SCN9A: variants seen among roughly 807,000 people sequenced by gnomAD.
SCN9A encodes the protein sodium channel protein type 9 subunit alpha.
A neutral mutation model predicts 187.0 loss-of-function variants in SCN9A; 131 were observed. The observed-to-expected ratio is 0.70, with a 90% CI of 0.61 to 0.81. The LOEUF is 0.81. SCN9A is among the 30% of genes least tolerant of loss of function. The probability of loss-of-function intolerance (pLI) is 0.00; values close to 1 mark genes in which losing one functional copy is unlikely to be tolerated. For synonymous variants in SCN9A, 809 were observed against 808.6 expected, an observed-to-expected ratio of 1.00 and a Z score of -0.01; for missense variants, 2,252 against 2,396.6, an observed-to-expected ratio of 0.94 and a Z score of 1.26.
intron 1 of SCN9A, among the ~76,000 whole-genome samples, chr2:166,358,231 G>A (rs193224590): frequency 1.3e-4 from 19 of 151,606 alleles, no homozygotes; most frequent in Non-Finnish European, 2.7e-4. Context: ...CACCACACCC[G>A]GCTAATTTTT....
intron 16 of SCN9A, among the ~76,000 whole-genome samples, chr2:166,273,228 A>G (rs1279526678): frequency 6.6e-6 from 1 of 152,122 alleles, no homozygotes; most frequent in East Asian, 1.9e-4. Context: ...TTATGAACCC[A>G]AAAAACTCTC....
chr2:166,278,207 G>A lies in SCN9A; in HGVS notation c.2450C>T (p.Thr817Ile). The A allele has an allele frequency of 6.2e-7, 1 of 1,613,048 alleles. No homozygotes were observed. Among genetic ancestry groups the A allele is most frequent in the Non-Finnish European group, 8.5e-7 (1 of 1,179,548 alleles). The change falls in exon 15 of 27, where the codon ACT (threonine) becomes ATT (isoleucine). Residue 817 changes from threonine (T) to isoleucine (I), a missense_variant. Coordinates refer to ENST00000642356, the MANE Select transcript of SCN9A (RefSeq NM_001365536.1). ...TAGAAAGAGCTCCACTAAACTTAAA[G>A]TCACAATAAGGCTGTCAAAAATATT... is the stretch of plus-strand genomic sequence containing the variant. ...GWNIFDSLIV[T>I]LSLVELFLAD...
At chr2:166,279,153 C>G (rs1697368133) in intron 14 of SCN9A, among the ~76,000 whole-genome samples, 1 of 152,066 alleles carries the variant, frequency 6.6e-6, no homozygotes, top group African/African-American at 2.4e-5. Flanking sequence ...TCCGGATCTC[C>G]ACCAACAATT....
intron 6 of SCN9A, 74 bp downstream of exon 6, chr2:166,304,164 C>A (rs772714587): frequency 1.3e-4 from 205 of 1,611,088 alleles, no homozygotes; most frequent in Middle Eastern, 1.6e-4. Flanking sequence ...GACACACACA[C>A]AAACGAACAA....
Position 166,375,758 on chromosome 2 carries a change from G to C in SCN9A, c.-112C>G, listed in dbSNP as rs1192984332. ...ACCTGCAGAATCTGGCTCCAGGAGAGGGCGCGGGCCTCTCCTTCCCCGGCG... is the reference window on the plus strand; with the variant it reads ...ACCTGCAGAATCTGGCTCCAGGAGACGGCGCGGGCCTCTCCTTCCCCGGCG... On this transcript the variant is annotated 5_prime_UTR_variant, in exon 1 of 27. Coordinates refer to ENST00000642356, the MANE Select transcript of SCN9A (RefSeq NM_001365536.1). The C allele has an allele frequency of 6.6e-6, 1 of 152,326 alleles. No homozygotes were observed. 9.4% of individuals were successfully genotyped at this position (152,326 alleles called of 1,614,324 possible). A position where few individuals can be genotyped will look rare whatever the true frequency, so the allele number is the denominator to read the frequency against.
intron 17 of SCN9A, among the ~76,000 whole-genome samples, chr2:166,265,257 TC>T (rs1274552182): frequency 2.0e-5 from 3 of 151,954 alleles, no homozygotes; most frequent in African/African-American, 7.2e-5. Flanking sequence ...TATTCTACTA[TC>T]TACTTCTATG....
chr2:166,321,692 A>G lies in SCN9A; in HGVS notation c.-50-9886T>C, dbSNP rs1486938076. On this transcript the variant is annotated intron_variant, in intron 1 of 26. Transcript: ENST00000642356. ...GATGATAAACCAAAAAGGGTAAAAA[A>G]AAGTTTTTCAATGTTTTAATATTTA... 5.3e-5 allele frequency among the ~76,000 whole-genome samples: 8 copies of G among 152,264 alleles called. No individual in the cohort carries two copies. In the East Asian group the frequency reaches 1.5e-3, roughly 29 times the overall value.
intron 16 of SCN9A, among the ~76,000 whole-genome samples, chr2:166,274,165 G>A (rs1012534305): frequency 1.3e-5 from 2 of 152,166 alleles, no homozygotes; most frequent in Non-Finnish European, 2.9e-5. Context: ...TTAACAGGGT[G>A]CAGTGGCTCA....
chr2:166,322,098 A>C (rs188544520), intron 1 of SCN9A, among the ~76,000 whole-genome samples: 4 of 152,354 alleles, frequency 2.6e-5, no homozygotes, highest in African/African-American at 9.6e-5. Context: ...TAAAAGAAAT[A>C]GATTTATTTT....
At chr2:166,359,382 T>TATA (rs890531898) in intron 1 of SCN9A, among the ~76,000 whole-genome samples, 3 of 152,240 alleles carry the variant, frequency 2.0e-5, no homozygotes, top group African/African-American at 7.2e-5. Flanking sequence ...GTATGCCAAG[T>TATA]ATAATATCAC....
In SCN9A at chr2:166,233,379, TA is replaced by T; in HGVS notation, c.3884del (p.Leu1295Ter). On this transcript the variant is annotated frameshift_variant, in exon 21 of 27. Transcript: ENST00000642356. LOFTEE classifies it high-confidence loss of function. ...PIKSLRTLRA[L>X]RPLRALSRFE... ...ATCTAGATAAGGCTCTTAGAGGTCTTAAAGCTCTCAGTGTCCGAAGGGATTT... is the reference window on the plus strand; with the variant it reads ...ATCTAGATAAGGCTCTTAGAGGTCTTAAGCTCTCAGTGTCCGAAGGGATTT... 1 of 1,576,336 alleles carries T rather than the reference TA, an allele frequency of 6.3e-7. No individual in the cohort carries two copies. Among genetic ancestry groups the T allele is most frequent in the Non-Finnish European group, 8.6e-7 (1 of 1,164,840 alleles).
At chr2:166,332,568 A>G (rs889226744) in intron 1 of SCN9A, among the ~76,000 whole-genome samples, 3 of 152,170 alleles carry the variant, frequency 2.0e-5, no homozygotes, top group Non-Finnish European at 2.9e-5. Flanking sequence ...GATTTAAAAG[A>G]AACATAATGC....
At chr2:166,238,405 G>T in intron 19 of SCN9A, 138 bp from the exon 20 acceptor site, 1 of 632,292 alleles carries the variant, frequency 1.6e-6, no homozygotes. Flanking sequence ...CATTTTTTCT[G>T]GTTTACAGTT....
intron 9 of SCN9A, among the ~76,000 whole-genome samples, chr2:166,291,061 G>T (rs994290214): frequency 3.3e-5 from 5 of 152,148 alleles, no homozygotes; most frequent in African/African-American, 9.7e-5. Context: ...ATTCAATATA[G>T]TGTTGGAATT....
intron 17 of SCN9A, among the ~76,000 whole-genome samples, chr2:166,259,660 G>C (rs34240755): frequency 0.03 from 4,497 of 151,756 alleles, 480 homozygotes; most frequent in Admixed American, 0.2. Flanking sequence ...AGAGTATGCA[G>C]CTTTAAAAAG....
rs190068937 is a variant in SCN9A at position 166,280,348 on chromosome 2, G to A, written c.2343+9C>T. The A allele has an allele frequency of 1.7e-5, 24 of 1,453,288 alleles. No individual in the cohort carries two copies. In the African/African-American group the frequency reaches 2.9e-4, roughly 18 times the overall value. The allele number at this position is 1,453,288 out of a possible 1,614,324, so 90.0% of individuals were successfully genotyped here. A position where few individuals can be genotyped will look rare whatever the true frequency, so the allele number is the denominator to read the frequency against. Reference sequence around the variant, plus strand: ...ACTATGAGTACATAACACACAATAAGAGACTTACCAAATTTCCTATAGCAA... The same window carrying A: ...ACTATGAGTACATAACACACAATAAAAGACTTACCAAATTTCCTATAGCAA... On this transcript the variant is annotated intron_variant, in intron 14 of 26. Transcript: ENST00000642356.
In SCN9A at chr2:166,288,464, A is replaced by T. The variant is rs6747673; in HGVS notation, c.1287T>A (p.Arg429=). 780,734 of 1,601,758 alleles carry T rather than the reference A, an allele frequency of 0.49. 195,323 individuals carry two copies. Among genetic ancestry groups the T allele is most frequent in the African/African-American group, 0.76 (56,719 of 74,736 alleles). The change falls in exon 10 of 27, where the codon CGT becomes CGA. Residue 429 remains arginine (R), a synonymous_variant. Coordinates refer to ENST00000642356, the MANE Select transcript of SCN9A (RefSeq NM_001365536.1). ...KELEFQQMLD[R]LKKEQEEAEA... is the part of the protein sequence containing the mutation. The stretch of plus-strand genomic sequence containing the variant: ...CAGCTTCTTCTTGCTCTTTTTTAAG[A>T]CGGTCTAACATCTGTTGAAATTCTA...
At chr2:166,347,411 A>T (rs924095307) in intron 1 of SCN9A, among the ~76,000 whole-genome samples, 5 of 152,286 alleles carry the variant, frequency 3.3e-5, no homozygotes, top group African/African-American at 1.2e-4. Flanking sequence ...GCTCTTAGAA[A>T]GCTCTTGACA....
In SCN9A at chr2:166,232,122, G is replaced by T. The variant is rs184580117; in HGVS notation, c.3924+1218C>A. On this transcript the variant is annotated intron_variant, in intron 21 of 26. Transcript: ENST00000642356. ...CATTCCAGAACAGAGGCATAAAATA[G>T]CAGGTATAAATCTGGAGAAGAAATT... 9.8e-4 allele frequency among the ~76,000 whole-genome samples: 149 copies of T among 152,252 alleles called. 2 individuals carry two copies. Among genetic ancestry groups the T allele is most frequent in the Non-Finnish European group, 6.6e-4 (45 of 68,008 alleles).
Sources: allele counts gnomAD v4.1 joint callset (sites outside exome capture counted in the v4.1 genomes callset), GRCh38; gene constraint gnomAD v4.1.1; transcripts MANE v1.5; gene names NCBI Gene and HGNC (gene_info 2026-07-23, HGNC 2026-07-21).